The following PYHIN1 variants were observed in gnomAD, a reference collection of about 807,000 sequenced individuals.
The protein encoded by PYHIN1 is pyrin and HIN domain family member 1, also known as pyrin and HIN domain-containing protein 1.
PYHIN1 carries 32 observed loss-of-function variants against 43.7 expected under a neutral mutation model. The ratio of observed to expected loss-of-function variants is 0.73; its 90% CI spans 0.55 to 0.98. The LOEUF is 0.98. PYHIN1 is among the 50% of genes least tolerant of loss of function. The pLI is 0.00. For synonymous variants in PYHIN1, 205 were observed against 203.1 expected, an observed-to-expected ratio of 1.01 and a Z score of -0.08; for missense variants, 588 against 589.5, an observed-to-expected ratio of 1.00 and a Z score of 0.03.
At chr1:158,978,549 T>C (rs1651374899), downstream of PYHIN1, among the ~76,000 whole-genome samples, 1 of 152,274 alleles carries the variant, frequency 6.6e-6, no homozygotes, top group Admixed American at 6.5e-5. Flanking sequence ...ATGATATTGG[T>C]ATTCTGAGCT....
chr1:158,976,413 A>G (rs1019688904), intron 8 of PYHIN1, among the ~76,000 whole-genome samples: 2 of 152,110 alleles, frequency 1.3e-5, no homozygotes, highest in African/African-American at 4.8e-5. Flanking sequence ...CGTTGGACAC[A>G]CCAGCTCCTT....
chr1:158,971,427 T>TAC (rs762184362), intron 7 of PYHIN1, among the ~76,000 whole-genome samples: 19 of 150,722 alleles, frequency 1.3e-4, no homozygotes, highest in Admixed American at 2.7e-4. Context: ...ATTAACAAGA[T>TAC]ATATATATAT....
chr1:158,950,397 G>A (rs2101677681), intron 7 of PYHIN1, among the ~76,000 whole-genome samples: 1 of 152,264 alleles, frequency 6.6e-6, no homozygotes, highest in African/African-American at 2.4e-5. Context: ...ACATTGTCCA[G>A]GGCTGCGGGT....
intron 8 of PYHIN1, among the ~76,000 whole-genome samples, chr1:158,976,075 CA>C (rs1430727314): frequency 1.3e-5 from 2 of 152,062 alleles, no homozygotes; most frequent in African/African-American, 4.8e-5. Context: ...CTAAGCAAAT[CA>C]GAACACAAAG....
the PYHIN1 span, among the ~76,000 whole-genome samples, chr1:158,983,130 A>T: frequency 2.0e-5 from 3 of 150,622 alleles, no homozygotes; most frequent in South Asian, 6.3e-4. Flanking sequence ...GACGTCTTTT[A>T]TTTTTTTTTC....
Position 158,976,771 on chromosome 1 carries a change from T to A in PYHIN1, c.*76T>A. On this transcript the variant is annotated 3_prime_UTR_variant, in exon 9 of 9. Coordinates refer to ENST00000368140, the MANE Select transcript of PYHIN1 (RefSeq NM_152501.5). Reference sequence around the variant, plus strand: ...TCAAGTGTGGAAATTTTGCCTGAAGTCCTCCACCTAAAAACCTGATGCCAT... The same window carrying A: ...TCAAGTGTGGAAATTTTGCCTGAAGACCTCCACCTAAAAACCTGATGCCAT... 2 of 1,519,946 alleles carry A rather than the reference T, an allele frequency of 1.3e-6. No individual in the cohort carries two copies. The highest frequency in any genetic ancestry group is 1.8e-6 in the Non-Finnish European group (2 of 1,101,732). 94.2% of individuals were successfully genotyped at this position (1,519,946 alleles called of 1,614,324 possible). A position where few individuals can be genotyped will look rare whatever the true frequency, so the allele number is the denominator to read the frequency against.
intron 7 of PYHIN1, among the ~76,000 whole-genome samples, chr1:158,957,933 A>G (rs1650053759): frequency 6.6e-6 from 1 of 152,022 alleles, no homozygotes; most frequent in African/African-American, 2.4e-5. Flanking sequence ...ACCCCATCAG[A>G]AAGTGGGTGA....
chr1:158,952,833 T>G (rs1352696088), intron 7 of PYHIN1, among the ~76,000 whole-genome samples: 1 of 152,162 alleles, frequency 6.6e-6, no homozygotes, highest in Admixed American at 6.5e-5. Context: ...TGCATTTCCA[T>G]CTGAGGTACC....
At chr1:158,949,025 A>C (rs1557831243) in intron 7 of PYHIN1, among the ~76,000 whole-genome samples, 1 of 152,128 alleles carries the variant, frequency 6.6e-6, no homozygotes, top group Non-Finnish European at 1.5e-5. Context: ...TGTGATTACA[A>C]GTGAAGGCTA....
At chr1:158,948,138 T>C (rs907395378) in intron 7 of PYHIN1, among the ~76,000 whole-genome samples, 1 of 152,320 alleles carries the variant, frequency 6.6e-6, no homozygotes, top group Non-Finnish European at 1.5e-5. Context: ...GGTGGGGCGG[T>C]CATTGCTATT....
chr1:158,935,312 A>AAG (rs57008756), intron 1 of PYHIN1, among the ~76,000 whole-genome samples: 1 of 151,814 alleles, frequency 6.6e-6, no homozygotes, highest in Non-Finnish European at 1.5e-5. Flanking sequence ...AAAAAAAAAA[A>AAG]GAATGCAGAT....
At chr1:158,981,117 A>G (rs531393833), downstream of PYHIN1, among the ~76,000 whole-genome samples, 2 of 152,288 alleles carry the variant, frequency 1.3e-5, no homozygotes, top group East Asian at 3.9e-4. Context: ...GTAGTGTACC[A>G]TGTTGTATAC....
chr1:158,954,721 A>G (rs1392542148), intron 7 of PYHIN1, among the ~76,000 whole-genome samples: 1 of 150,630 alleles, frequency 6.6e-6, no homozygotes, highest in Non-Finnish European at 1.5e-5. Flanking sequence ...AGCTAACATC[A>G]TAATGACAGG....
In PYHIN1 at chr1:158,950,162, A is replaced by C. The variant is rs146591116; in HGVS notation, c.1359+5120A>C. Among the ~76,000 whole-genome samples the C allele has an allele frequency of 2.2e-3, 337 of 152,340 alleles. 1 individual carries two copies. Among genetic ancestry groups the C allele is most frequent in the African/African-American group, 7.5e-3 (311 of 41,570 alleles). On this transcript the variant is annotated intron_variant, in intron 7 of 8. Transcript: ENST00000368140. ...GGCGAAAGAGAGGCAGATCTAAGATATGAGCCCAGTAGAGTTTAGCAGGTA... is the reference window on the plus strand; with the variant it reads ...GGCGAAAGAGAGGCAGATCTAAGATCTGAGCCCAGTAGAGTTTAGCAGGTA...
chr1:158,983,437 A>G, the PYHIN1 span, among the ~76,000 whole-genome samples: 4 of 152,208 alleles, frequency 2.6e-5, no homozygotes, highest in Admixed American at 2.0e-4. Flanking sequence ...GTGATAAATC[A>G]CATTTACCAA....
intron 7 of PYHIN1, among the ~76,000 whole-genome samples, chr1:158,946,925 A>G (rs769873125): frequency 1.3e-5 from 2 of 152,182 alleles, no homozygotes; most frequent in Non-Finnish European, 2.9e-5. Context: ...CCTGACCTCA[A>G]TCTCCTAATT....
chr1:158,961,779 C>T (rs1650332525), intron 7 of PYHIN1, among the ~76,000 whole-genome samples: 1 of 152,188 alleles, frequency 6.6e-6, no homozygotes, highest in South Asian at 2.1e-4. Flanking sequence ...AGAGCCACCA[C>T]TCAGGCATAC....
At chr1:158,972,525 G>A (rs1650992169) in intron 7 of PYHIN1, among the ~76,000 whole-genome samples, 1 of 152,020 alleles carries the variant, frequency 6.6e-6, no homozygotes, top group Non-Finnish European at 1.5e-5. Flanking sequence ...TATAGAGAAA[G>A]AGTGGAGGAG....
At chr1:158,961,021 G>A (rs929400493) in intron 7 of PYHIN1, among the ~76,000 whole-genome samples, 3 of 152,144 alleles carry the variant, frequency 2.0e-5, no homozygotes, top group Non-Finnish European at 4.4e-5. Context: ...AGACATAAGT[G>A]ATCAGAGTAG....
Sources: gnomAD v4.1 joint callset for allele counts (sites outside exome capture counted in the v4.1 genomes callset) on GRCh38, gnomAD v4.1.1 for gene constraint, MANE v1.5 for transcripts, NCBI Gene and HGNC (gene_info 2026-07-23, HGNC 2026-07-21) for gene names.